THEM4: variants seen among roughly 807,000 people sequenced by gnomAD.
THEM4 encodes the protein acyl-coenzyme A thioesterase THEM4.
In THEM4, 22 loss-of-function variants were observed where a neutral mutation model predicts 25.0. The observed-to-expected ratio is 0.88, with a 90% CI of 0.63 to 1.26. The LOEUF is 1.26. Among genes scored for constraint, THEM4 ranks in the 50% most tolerant of loss-of-function variants. THEM4 has a pLI of 0.00. For missense variants in THEM4, 286 were observed against 300.3 expected (o/e 0.95, Z 0.35); for synonymous variants, 113 against 105.6 (o/e 1.07, Z -0.43).
rs1490144686 is a variant in THEM4 at position 151,909,402 on chromosome 1, T to C, written c.57A>G (p.Pro19=). ...CGCTTCCCGGCAGGCGCCGGCCTAC[T>C]GGCGGCAGGCACAGAGCCCCCAGCG... ...LRTLGALCLP[P]VGRRLPGSEP... Residue 19 remains proline (P), a synonymous_variant, in exon 1 of 6, where the codon CCA becomes CCG. Coordinates refer to ENST00000368814, the MANE Select transcript of THEM4 (RefSeq NM_053055.5). 3 of 1,505,198 alleles carry C rather than the reference T, an allele frequency of 2.0e-6. No individual in the cohort carries two copies. Among genetic ancestry groups the C allele is most frequent in the Non-Finnish European group, 2.6e-6 (3 of 1,133,638 alleles). The allele number at this position is 1,505,198 out of a possible 1,614,324, so 93.2% of individuals were successfully genotyped here.
intron 1 of THEM4, among the ~76,000 whole-genome samples, chr1:151,907,232 A>AC (rs1186670874): frequency 4.6e-5 from 7 of 152,262 alleles, no homozygotes; most frequent in Non-Finnish European, 1.0e-4. Flanking sequence ...AAGACCATGA[A>AC]CCCACCAGAA....
At chr1:151,895,233 G>A (rs1654199111) in intron 1 of THEM4, 39 bp from the exon 2 acceptor site, 2 of 1,494,928 alleles carry the variant, frequency 1.3e-6, no homozygotes, top group Non-Finnish European at 1.8e-6. Flanking sequence ...GTAATGGGAG[G>A]TGCATTCTAT....
At chr1:151,876,195 C>T (rs897494503) in intron 5 of THEM4, among the ~76,000 whole-genome samples, 11 of 152,158 alleles carry the variant, frequency 7.2e-5, no homozygotes, top group Admixed American at 3.3e-4. Context: ...TATGGTATCA[C>T]AATATTTCAC....
In THEM4 at chr1:151,872,677, G is replaced by A. The variant is rs1653579554; in HGVS notation, c.*2211C>T. On this transcript the variant is annotated 3_prime_UTR_variant, in exon 6 of 6. Coordinates refer to ENST00000368814, the MANE Select transcript of THEM4 (RefSeq NM_053055.5). ...GAAACATGTGCTGTATGGAATCAAGGTTTAAGGGATCTAGGACTGTGCAGG... is the reference window on the plus strand; with the variant it reads ...GAAACATGTGCTGTATGGAATCAAGATTTAAGGGATCTAGGACTGTGCAGG... 6.6e-6 allele frequency among the ~76,000 whole-genome samples: 1 copy of A among 152,180 alleles called. No individual in the cohort carries two copies. The highest frequency in any genetic ancestry group is 1.5e-5 in the Non-Finnish European group (1 of 68,038).
chr1:151,889,262 C>T lies in THEM4; in HGVS notation c.398G>A (p.Arg133Lys), dbSNP rs1299126459. The T allele has an allele frequency of 6.2e-7, 1 of 1,613,806 alleles. No individual in the cohort carries two copies. The highest frequency in any genetic ancestry group is 1.1e-5 in the South Asian group (1 of 91,076). The change falls in exon 3 of 6, where the codon AGG (arginine) becomes AAG (lysine). Residue 133 changes from arginine (R) to lysine (K), a missense_variant. Coordinates refer to ENST00000368814, the MANE Select transcript of THEM4 (RefSeq NM_053055.5). ...YVMFYNDIEK[R>K]MVCLFQGGPY... ...GCCTCCTTGAAATAAGCAAACCATC[C>T]TTTTCTCAATGTCATTGTAGAACAT...
At chr1:151,905,942 C>G (rs1418534690) in intron 1 of THEM4, among the ~76,000 whole-genome samples, 2 of 152,250 alleles carry the variant, frequency 1.3e-5, no homozygotes, top group African/African-American at 4.8e-5. Context: ...GCTGCATAAG[C>G]AAGGGTCATA....
At chr1:151,901,640 C>T (rs1011301104) in intron 1 of THEM4, among the ~76,000 whole-genome samples, 10 of 151,984 alleles carry the variant, frequency 6.6e-5, no homozygotes, top group South Asian at 2.1e-4. Flanking sequence ...GTCAGGAGTT[C>T]GAGATCAGCC....
chr1:151,897,825 G>A (rs1433234242), intron 1 of THEM4, among the ~76,000 whole-genome samples: 1 of 152,154 alleles, frequency 6.6e-6, no homozygotes. Context: ...CACCCCTACT[G>A]GAGAAGCTGG....
chr1:151,903,365 A>G (rs2338203), intron 1 of THEM4, among the ~76,000 whole-genome samples: 139,317 of 152,234 alleles, frequency 0.92, 63,756 homozygotes, highest in East Asian at 0.94. Flanking sequence ...TGCTTTCTAC[A>G]TTTACCACTT....
chr1:151,894,241 T>C (rs527403729), intron 2 of THEM4, among the ~76,000 whole-genome samples: 1 of 152,232 alleles, frequency 6.6e-6, no homozygotes, highest in South Asian at 2.1e-4. Flanking sequence ...AGATAATGAG[T>C]AACTCAGAAA....
At chr1:151,874,949 CA>C (rs745470903) in intron 5 of THEM4, 21 bp from the exon 6 acceptor site, 10 of 1,601,334 alleles carry the variant, frequency 6.2e-6, no homozygotes, top group Non-Finnish European at 8.6e-6. Flanking sequence ...AAAATAACAG[CA>C]GATGATTATA....
At chr1:151,908,553 G>T (rs979523668) in intron 1 of THEM4, among the ~76,000 whole-genome samples, 2 of 152,182 alleles carry the variant, frequency 1.3e-5, no homozygotes, top group African/African-American at 4.8e-5. Context: ...AGAAATATTG[G>T]CCGCTTGGTG....
At chr1:151,907,657 G>C (rs1654501263) in intron 1 of THEM4, among the ~76,000 whole-genome samples, 1 of 152,180 alleles carries the variant, frequency 6.6e-6, no homozygotes, top group African/African-American at 2.4e-5. Flanking sequence ...TCCTGCAACA[G>C]AAGGATGAGT....
chr1:151,884,745 A>G (rs1220884324), intron 4 of THEM4, among the ~76,000 whole-genome samples: 2 of 150,894 alleles, frequency 1.3e-5, no homozygotes, highest in Admixed American at 1.3e-4. Flanking sequence ...CTGGGGTACA[A>G]TGGTGCAATC....
intron 4 of THEM4, among the ~76,000 whole-genome samples, chr1:151,886,229 A>G (rs562756441): frequency 3.1e-4 from 47 of 152,312 alleles, no homozygotes; most frequent in African/African-American, 1.1e-3. Context: ...ATGTTTTCCA[A>G]TTGTGGGGAA....
chr1:151,903,822 C>T (rs1572084029), intron 1 of THEM4, among the ~76,000 whole-genome samples: 1 of 152,324 alleles, frequency 6.6e-6, no homozygotes, highest in East Asian at 1.9e-4. Flanking sequence ...TAATTAAATA[C>T]TTTTAGGAAT....
At position 151,873,790 on chromosome 1, in the gene THEM4, A is replaced by G. The variant is rs1572070166; in HGVS notation, c.*1098T>C. The G allele has an allele frequency of 6.6e-6, 1 of 152,434 alleles. No homozygotes were observed. The highest frequency in any genetic ancestry group is 1.9e-4 in the East Asian group (1 of 5,188). The allele number at this position is 152,434 out of a possible 1,614,324, so 9.4% of individuals were successfully genotyped here. ...TGAAGATGGAGGACTGGAATGATGC[A>G]TCTAGAAGCCAAGGAACACCTGAGG... On this transcript the variant is annotated 3_prime_UTR_variant, in exon 6 of 6. Transcript: ENST00000368814.
intron 1 of THEM4, among the ~76,000 whole-genome samples, chr1:151,907,774 A>T (rs948856614): frequency 6.6e-6 from 1 of 152,218 alleles, no homozygotes; most frequent in South Asian, 2.1e-4. Flanking sequence ...TCTTTTTACG[A>T]TACTGGAGGT....
chr1:151,872,748 AG>A lies in THEM4; in HGVS notation c.*2139del, dbSNP rs1197996932. ...GTTTACAGGCAGTATGCTTGGTAAA[AG>A]TCATCGCCATTCTCCATTCTCAATT... On this transcript the variant is annotated 3_prime_UTR_variant, in exon 6 of 6. Coordinates refer to ENST00000368814, the MANE Select transcript of THEM4 (RefSeq NM_053055.5). Among the ~76,000 whole-genome samples the A allele has an allele frequency of 6.6e-6, 1 of 152,166 alleles. No individual in the cohort carries two copies. Among genetic ancestry groups the A allele is most frequent in the Admixed American group, 6.5e-5 (1 of 15,278 alleles).
Sources: gnomAD v4.1 joint callset for allele counts (sites outside exome capture counted in the v4.1 genomes callset) on GRCh38, gnomAD v4.1.1 for gene constraint, MANE v1.5 for transcripts, NCBI Gene and HGNC (gene_info 2026-07-23, HGNC 2026-07-21) for gene names.